The following FAM9A variants were observed in gnomAD, a reference collection of about 807,000 sequenced individuals.
FAM9A encodes the protein protein FAM9A.
A neutral mutation model predicts 25.0 loss-of-function variants in FAM9A; 49 were observed. The ratio of observed to expected loss-of-function variants is 1.96; its 90% CI spans 1.56 to 2.48. FAM9A has a LOEUF of 2.48. FAM9A is among the 30% of genes most tolerant of loss of function. The pLI is 0.00. For synonymous variants in FAM9A, 80 were observed against 85.1 expected (o/e 0.94, Z 0.33); for missense variants, 266 against 249.3 (o/e 1.07, Z -0.45).
chrX:8,793,909 T>C (rs1255001039), intron 7 of FAM9A, among the ~76,000 whole-genome samples, 153 bp from the exon 8 acceptor site: 1 of 112,655 alleles, frequency 8.9e-6, no homozygotes, highest in Non-Finnish European at 1.9e-5. Context: ...AACAACTGTG[T>C]TCACCACCCA....
chrX:8,795,984 T>C (rs1933528200), intron 6 of FAM9A, among the ~76,000 whole-genome samples: 1 of 111,968 alleles, frequency 8.9e-6, no homozygotes, highest in African/African-American at 3.2e-5. Flanking sequence ...TATATGCAGC[T>C]GCCATATTTC....
chrX:8,800,543 C>T (rs1933595089), intron 1 of FAM9A, among the ~76,000 whole-genome samples: 1 of 110,560 alleles, frequency 9.0e-6, no homozygotes, highest in African/African-American at 3.3e-5. Flanking sequence ...ACAGGACCTC[C>T]CCAGCCATCT....
intron 6 of FAM9A, among the ~76,000 whole-genome samples, chrX:8,795,934 T>C (rs1229918123): frequency 5.4e-5 from 6 of 112,039 alleles, no homozygotes; most frequent in Non-Finnish European, 1.1e-4. Flanking sequence ...AACTTAATAT[T>C]GTTAAGGATC....
At chrX:8,800,565 T>A (rs1215367221) in intron 1 of FAM9A, among the ~76,000 whole-genome samples, 1 of 110,592 alleles carries the variant, frequency 9.0e-6, no homozygotes, top group Non-Finnish European at 1.9e-5. Context: ...TGGGGGAATG[T>A]CAGGGGCTGC....
intron 2 of FAM9A, among the ~76,000 whole-genome samples, chrX:8,799,394 G>A (rs1200112562): frequency 1.8e-5 from 2 of 110,322 alleles, no homozygotes; most frequent in Non-Finnish European, 3.8e-5. Context: ...AGAGACCTGC[G>A]TGGCCCGGAG....
At chrX:8,800,341 G>A (rs1163976043) in intron 1 of FAM9A, 132 bp from the exon 2 acceptor site, 33 of 846,299 alleles carry the variant, frequency 3.9e-5, no homozygotes, top group Non-Finnish European at 4.7e-5. Context: ...AGGAGGGGTC[G>A]GAGAAGATGC....
rs1238910161 is a variant in FAM9A, at chrX:8,796,458, G to A, written c.374-76C>T. The A allele has an allele frequency of 1.8e-5, 11 of 612,768 alleles. No individual in the cohort carries two copies. In the East Asian group the frequency reaches 3.9e-4, roughly 22 times the overall value. The allele number at this position is 612,768 out of a possible 1,213,427, so 50.5% of individuals were successfully genotyped here. On this transcript the variant is annotated intron_variant, in intron 5 of 9. Coordinates refer to ENST00000381003, the MANE Select transcript of FAM9A (RefSeq NM_174951.3). Reference sequence around the variant, plus strand: ...TTCGCATATATTGAAATCAACGTGAGATATGATGGTTCAGCAATATCGGAA... The same window carrying A: ...TTCGCATATATTGAAATCAACGTGAAATATGATGGTTCAGCAATATCGGAA...
intron 8 of FAM9A, among the ~76,000 whole-genome samples, chrX:8,792,315 T>C: frequency 9.2e-6 from 1 of 108,764 alleles, no homozygotes; most frequent in East Asian, 2.9e-4. Context: ...AAGGGGAGGG[T>C]TTTAGGAAGA....
chrX:8,799,523 C>A (rs761194468), intron 2 of FAM9A, among the ~76,000 whole-genome samples: 1 of 107,919 alleles, frequency 9.3e-6, no homozygotes, highest in African/African-American at 3.4e-5. Context: ...CCTGTCCTGA[C>A]CGGCGGCCGG....
At position 8,797,260 on chromosome X, in the gene FAM9A, C is replaced by T. The variant is rs951874704; in HGVS notation, c.374-878G>A. Among the ~76,000 whole-genome samples the T allele has an allele frequency of 7.2e-5, 8 of 111,829 alleles. No individual in the cohort carries two copies. In the South Asian group the frequency reaches 1.9e-3, roughly 26 times the overall value. ...GAGAAGAGCTGAAAACTGAATTGAGCGTTTTAAAAATAAGAGTATTGTCTC... is the reference window on the plus strand; with the variant it reads ...GAGAAGAGCTGAAAACTGAATTGAGTGTTTTAAAAATAAGAGTATTGTCTC... On this transcript the variant is annotated intron_variant, in intron 5 of 9. Transcript: ENST00000381003.
chrX:8,791,948 A>G (rs1180521043), intron 8 of FAM9A, among the ~76,000 whole-genome samples: 2 of 112,374 alleles, frequency 1.8e-5, no homozygotes, highest in Non-Finnish European at 3.8e-5. Flanking sequence ...ACATGAGCAA[A>G]TGCACAAATA....
chrX:8,792,190 G>C (rs79675415), intron 8 of FAM9A, among the ~76,000 whole-genome samples: 12,130 of 111,075 alleles, frequency 0.11, 683 homozygotes, highest in Non-Finnish European at 0.16. Context: ...CAAAGACAGA[G>C]GGCGGCAAGC....
Position 8,791,338 on chromosome X carries a change from GGAA to G in FAM9A, c.969_971del (p.Ser325del). On this transcript the variant is annotated inframe_deletion, in exon 9 of 10. Coordinates refer to ENST00000381003, the MANE Select transcript of FAM9A (RefSeq NM_174951.3). ...AGTTATCAAGTTCACTTTCTTCACT[GGAA>G]GAAATGATGCAATAATTGTCTTTAG... The G allele has an allele frequency of 8.3e-7, 1 of 1,206,185 alleles. No individual in the cohort carries two copies. Among genetic ancestry groups the G allele is most frequent in the Non-Finnish European group, 1.1e-6 (1 of 892,933 alleles).
At position 8,796,523 on chromosome X, in the gene FAM9A, G is replaced by A. The variant is rs2146939934; in HGVS notation, c.374-141C>T. ...TAAAATACAAAGATCATTTCAAAAAGCAAGATTTACTCACTTGTTTTCTGT... is the reference window on the plus strand; with the variant it reads ...TAAAATACAAAGATCATTTCAAAAAACAAGATTTACTCACTTGTTTTCTGT... On this transcript the variant is annotated intron_variant, in intron 5 of 9. Transcript: ENST00000381003. 4 of 446,414 alleles carry A rather than the reference G, an allele frequency of 9.0e-6. No individual in the cohort carries two copies. In the East Asian group the frequency reaches 1.6e-4, roughly 18 times the overall value. 36.8% of individuals were successfully genotyped at this position (446,414 alleles called of 1,213,427 possible). A position where few individuals can be genotyped will look rare whatever the true frequency, so the allele number is the denominator to read the frequency against.
At chrX:8,800,339 T>C in intron 1 of FAM9A, 130 bp from the exon 2 acceptor site, 2 of 843,320 alleles carry the variant, frequency 2.4e-6, no homozygotes, top group South Asian at 2.6e-5. Flanking sequence ...GCAGGAGGGG[T>C]CGGAGAAGAT....
Position 8,796,252 on chromosome X carries a change from A to G in FAM9A, c.488+16T>C. The G allele has an allele frequency of 8.9e-7, 1 of 1,119,692 alleles. No homozygotes were observed. The highest frequency in any genetic ancestry group is 1.2e-6 in the Non-Finnish European group (1 of 825,972). 92.3% of individuals were successfully genotyped at this position (1,119,692 alleles called of 1,213,427 possible). On this transcript the variant is annotated intron_variant, in intron 6 of 9. Coordinates refer to ENST00000381003, the MANE Select transcript of FAM9A (RefSeq NM_174951.3). ...ATGATATAAATATCATTATGCAAAA[A>G]AGCCAACAATCATACCTTTTTAGTT...
intron 5 of FAM9A, among the ~76,000 whole-genome samples, chrX:8,797,276 G>A (rs1014701916): frequency 1.6e-4 from 18 of 111,634 alleles, no homozygotes; most frequent in Non-Finnish European, 3.2e-4. Context: ...AAAAATAAGA[G>A]TATTGTCTCC....
chrX:8,793,561 C>T, intron 8 of FAM9A, 97 bp downstream of exon 8: 1 of 693,888 alleles, frequency 1.4e-6, no homozygotes. Context: ...AAATGCATAA[C>T]CAAAATGTCT....
In FAM9A at chrX:8,800,222, A is replaced by G. The variant is rs773166883; in HGVS notation, c.-38-13T>C. On this transcript the variant is annotated splice_polypyrimidine_tract_variant and intron_variant, in intron 1 of 9. Transcript: ENST00000381003. Reference sequence around the variant, plus strand: ...GCGATCCCTGAACCTGGTTGAGTGCAAAGTCAAACTAAGTAAGCTAAGGAA... The same window carrying G: ...GCGATCCCTGAACCTGGTTGAGTGCGAAGTCAAACTAAGTAAGCTAAGGAA... 2.5e-6 allele frequency: 3 copies of G among 1,176,683 alleles called. No individual in the cohort carries two copies. Among genetic ancestry groups the G allele is most frequent in the African/African-American group, 3.6e-5 (2 of 55,964 alleles).
Sources: gnomAD v4.1 joint callset for allele counts (sites outside exome capture counted in the v4.1 genomes callset) on GRCh38, gnomAD v4.1.1 for gene constraint, MANE v1.5 for transcripts, NCBI Gene and HGNC (gene_info 2026-07-23, HGNC 2026-07-21) for gene names.